Variants in CCDC157 observed in about 807,000 individuals in gnomAD.
CCDC157 encodes the protein coiled-coil domain containing 157, also known as coiled-coil domain-containing protein 157.
Under a neutral mutation model 70.9 loss-of-function variants are expected in CCDC157, and 60 were observed. That is an observed-to-expected ratio of 0.85 (90% CI 0.69 to 1.05). The LOEUF is 1.05. Among genes scored for constraint, CCDC157 ranks in the 50% least tolerant of loss-of-function variants. CCDC157 has a pLI of 0.00. For missense variants in CCDC157, 943 were observed against 984.2 expected (o/e 0.96, Z 0.56); for synonymous variants, 373 against 422.4 (o/e 0.88, Z 1.43).
At chr22:30,363,946 T>G (rs949692656) in intron 2 of CCDC157, among the ~76,000 whole-genome samples, 2 of 152,142 alleles carry the variant, frequency 1.3e-5, no homozygotes, top group African/African-American at 4.8e-5. Context: ...CCTCCCAAAG[T>G]GTTGGGATTA....
chr22:30,367,868 G>C (rs932115239), intron 3 of CCDC157, among the ~76,000 whole-genome samples: 5 of 152,076 alleles, frequency 3.3e-5, no homozygotes, highest in Non-Finnish European at 5.9e-5. Flanking sequence ...CCAACGAACA[G>C]GGTGAAACCC....
In CCDC157 at chr22:30,376,775, A is replaced by C; in HGVS notation, c.*30A>C. Reference sequence around the variant, plus strand: ...TGGCCCAGGGCTGAGGCTGGATGGGAGGTGGCTGGCAGCCCACCCACTGTA... The same window carrying C: ...TGGCCCAGGGCTGAGGCTGGATGGGCGGTGGCTGGCAGCCCACCCACTGTA... On this transcript the variant is annotated 3_prime_UTR_variant, in exon 12 of 12. Coordinates refer to ENST00000338306, the MANE Select transcript of CCDC157 (RefSeq NM_001017437.5). The C allele has an allele frequency of 6.3e-7, 1 of 1,588,896 alleles. No individual in the cohort carries two copies. Among genetic ancestry groups the C allele is most frequent in the Non-Finnish European group, 8.6e-7 (1 of 1,164,186 alleles).
chr22:30,356,824 C>T (rs754267115), upstream of CCDC157: 1 of 1,318,780 alleles, frequency 7.6e-7, no homozygotes, highest in Non-Finnish European at 9.7e-7. Flanking sequence ...CAGTCCGCCT[C>T]GGTGTCGGTG....
rs200415444 is a variant in CCDC157, at chr22:30,369,500, C to T, written c.317C>T (p.Pro106Leu). The stretch of plus-strand genomic sequence containing the variant: ...CTTGGCTCAGAGCAGATGATGCCCC[C>T]TGCACAGGCTGCGGGGCCCTGCATG... ...ENLGSEQMMP[P>L]AQAAGPCMSV... is the part of the protein sequence containing the mutation. Residue 106 changes from proline to leucine, a missense_variant, in exon 4 of 12, where the codon CCT (proline) becomes CTT (leucine). Pro to Leu is a moderately conservative substitution (Grantham distance 98). Transcript: ENST00000338306. The T allele has an allele frequency of 9.3e-6, 15 of 1,605,548 alleles. No homozygotes were observed. The Admixed American group carries it at 2.5e-4, about 27-fold the overall frequency.
chr22:30,363,631 T>A (rs954650972), intron 2 of CCDC157, among the ~76,000 whole-genome samples: 1 of 151,630 alleles, frequency 6.6e-6, no homozygotes, highest in Admixed American at 6.6e-5. Context: ...TAGTTTATAG[T>A]GATCTATTGT....
chr22:30,376,483 T>C lies in CCDC157; in HGVS notation c.1997T>C (p.Leu666Pro), dbSNP rs1010842717. 1 of 1,611,900 alleles carries C rather than the reference T, an allele frequency of 6.2e-7. No homozygotes were observed. The highest frequency in any genetic ancestry group is 1.4e-5 in the African/African-American group (1 of 73,702). Residue 666 changes from leucine to proline, a missense_variant, in exon 12 of 12, where the codon CTG (leucine) becomes CCG (proline). Transcript: ENST00000338306. ...AGCAGCAGGACGGGTAGGACCCTGCTGGGCCAGCCCTGCACATCCCCACCT... is the reference window on the plus strand; with the variant it reads ...AGCAGCAGGACGGGTAGGACCCTGCCGGGCCAGCCCTGCACATCCCCACCT... The part of the protein sequence containing the change: ...LPSSRTGRTL[L>P]GQPCTSPPRQ...
chr22:30,376,779 G>T lies in CCDC157; in HGVS notation c.*34G>T. The T allele has an allele frequency of 6.3e-7, 1 of 1,582,056 alleles. No homozygotes were observed. Among genetic ancestry groups the T allele is most frequent in the Non-Finnish European group, 8.6e-7 (1 of 1,159,692 alleles). The stretch of plus-strand genomic sequence containing the variant: ...CCAGGGCTGAGGCTGGATGGGAGGT[G>T]GCTGGCAGCCCACCCACTGTAATAA... On this transcript the variant is annotated 3_prime_UTR_variant, in exon 12 of 12. Coordinates refer to ENST00000338306, the MANE Select transcript of CCDC157 (RefSeq NM_001017437.5).
rs1489521397 is a variant in CCDC157, at chr22:30,370,627, T to C, written c.722T>C (p.Leu241Pro). The C allele has an allele frequency of 6.2e-7, 1 of 1,614,088 alleles. No individual in the cohort carries two copies. The highest frequency in any genetic ancestry group is 1.1e-5 in the South Asian group (1 of 91,086). Reference protein sequence around the residue: ...LQKVGKVVISLCQSQNLPSSL... With the variant: ...LQKVGKVVISPCQSQNLPSSL... ...AAGGTGGGCAAGGTGGTCATCAGCC[T>C]GTGTCAGAGCCAGAACCTGCCCTCG... Residue 241 changes from leucine (L) to proline (P), a missense_variant, in exon 5 of 12, where the codon CTG becomes CCG. By Grantham distance (98) the Leu-to-Pro change is moderately conservative. Transcript: ENST00000338306.
At chr22:30,374,350 G>C (rs1310551679) in intron 9 of CCDC157, 1 of 627,956 alleles carries the variant, frequency 1.6e-6, no homozygotes, top group Admixed American at 2.1e-5. Flanking sequence ...CGCAGACACA[G>C]GTCTGGTTGT....
rs574486814 is a variant in CCDC157 at position 30,360,500 on chromosome 22, G to A, written c.-165-1461G>A. 3.1e-3 allele frequency among the ~76,000 whole-genome samples: 447 copies of A among 143,644 alleles called. 1 individual carries two copies. Among genetic ancestry groups the A allele is most frequent in the Admixed American group, 7.8e-3 (112 of 14,326 alleles). The allele number at this position is 143,644 out of a possible 152,430, so 94.2% of individuals were successfully genotyped here. A position where few individuals can be genotyped will look rare whatever the true frequency, so the allele number is the denominator to read the frequency against. On this transcript the variant is annotated intron_variant, in intron 1 of 11. Transcript: ENST00000338306. ...AGCCTGAGCGACAGAGCGAGACTCC[G>A]TCTCAAAAAAAAAAAAAAGTTTTCC...
In CCDC157 at chr22:30,377,534, C is replaced by A. The variant is rs916817059; in HGVS notation, c.*789C>A. On this transcript the variant is annotated 3_prime_UTR_variant, in exon 12 of 12. Coordinates refer to ENST00000338306, the MANE Select transcript of CCDC157 (RefSeq NM_001017437.5). The stretch of plus-strand genomic sequence containing the variant: ...ACCTGTGAAGGACAATCTCCAAAAA[C>A]TTGCTGAGGCCTTCTCAGGGCGCAC... The A allele has an allele frequency of 6.5e-6, 1 of 153,468 alleles. No individual in the cohort carries two copies. The allele number at this position is 153,468 out of a possible 1,614,324, so 9.5% of individuals were successfully genotyped here.
At chr22:30,373,221 G>A in intron 7 of CCDC157, 1 of 228,462 alleles carries the variant, frequency 4.4e-6, no homozygotes, top group Non-Finnish European at 8.8e-6. Context: ...GTGGGCTTCA[G>A]CAACATGGGA....
At position 30,370,472 on chromosome 22, in the gene CCDC157, C is replaced by T; in HGVS notation, c.567C>T (p.Ser189=). 1.2e-6 allele frequency: 2 copies of T among 1,614,136 alleles called. No individual in the cohort carries two copies. The highest frequency in any genetic ancestry group is 1.7e-6 in the Non-Finnish European group (2 of 1,180,044). Residue 189 remains serine, a synonymous_variant, in exon 5 of 12, where the codon AGC becomes AGT. Coordinates refer to ENST00000338306, the MANE Select transcript of CCDC157 (RefSeq NM_001017437.5). ...CCCAGACCTGCCAAGAGCCAGAGAG[C>T]ATCCCTGTCAGAGCCTCCCTGCAGT... ...GLPQTCQEPE[S]IPVRASLQFP...
At chr22:30,376,233 G>A (rs1475829205) in intron 10 of CCDC157, 26 bp from the exon 11 acceptor site, 1 of 1,518,750 alleles carries the variant, frequency 6.6e-7, no homozygotes, top group Non-Finnish European at 9.1e-7. Flanking sequence ...GCCCTTATAA[G>A]ACTGGCTTTT....
chr22:30,375,433 C>G (rs1384681183), intron 9 of CCDC157, 46 bp from the exon 10 acceptor site: 1 of 1,600,084 alleles, frequency 6.2e-7, no homozygotes, highest in Non-Finnish European at 8.6e-7. Context: ...GCCACCTGCC[C>G]AAGCTGGTGT....
At position 30,364,546 on chromosome 22, in the gene CCDC157, C is replaced by G. The variant is rs771414189; in HGVS notation, c.-11-1444C>G. ...TAATGGGGCTGGGTGCCGTGGCTCA[C>G]GCCTGTAATCCCAGCACTTTTGGAG... On this transcript the variant is annotated intron_variant, in intron 2 of 11. Transcript: ENST00000338306. 2.6e-5 allele frequency among the ~76,000 whole-genome samples: 4 copies of G among 152,262 alleles called. No homozygotes were observed. The East Asian group carries it at 5.8e-4, about 22-fold the overall frequency.
At chr22:30,356,935 C>T (rs1236725078), upstream of CCDC157, 1 of 663,680 alleles carries the variant, frequency 1.5e-6, no homozygotes, top group Non-Finnish European at 2.2e-6. Context: ...ACGACTGGCG[C>T]ACTTCCGGGA....
intron 1 of CCDC157, among the ~76,000 whole-genome samples, chr22:30,361,294 A>G (rs1932331150): frequency 6.6e-6 from 1 of 151,590 alleles, no homozygotes; most frequent in South Asian, 2.1e-4. Context: ...GTAGTAATAC[A>G]TGAGGGAGGG....
At position 30,370,878 on chromosome 22, in the gene CCDC157, C is replaced by G; in HGVS notation, c.973C>G (p.Arg325Gly). The G allele has an allele frequency of 1.2e-6, 2 of 1,611,808 alleles. No individual in the cohort carries two copies. Among genetic ancestry groups the G allele is most frequent in the Non-Finnish European group, 1.7e-6 (2 of 1,179,906 alleles). The change falls in exon 5 of 12, where the codon CGG becomes GGG. Residue 325 changes from arginine to glycine, a missense_variant. Physicochemically the swap from Arg to Gly is moderately radical, Grantham distance 125. Coordinates refer to ENST00000338306, the MANE Select transcript of CCDC157 (RefSeq NM_001017437.5). ...EQALKQEQGA[R>G]RRQAEEDEQC... ...GGCGCTGAAACAGGAGCAGGGGGCACGGCGGCGACAGGCGGAGGAGGATGA... is the reference window on the plus strand; with the variant it reads ...GGCGCTGAAACAGGAGCAGGGGGCAGGGCGGCGACAGGCGGAGGAGGATGA...
Sources: allele counts gnomAD v4.1 joint callset (sites outside exome capture counted in the v4.1 genomes callset), GRCh38; gene constraint gnomAD v4.1.1; transcripts MANE v1.5; gene names NCBI Gene and HGNC (gene_info 2026-07-23, HGNC 2026-07-21).